DENND3: variants seen among roughly 807,000 people sequenced by gnomAD.
DENND3 encodes DENN domain-containing protein 3.
A neutral mutation model predicts 135.1 loss-of-function variants in DENND3; 88 were observed. That is an observed-to-expected ratio of 0.65 (90% CI 0.55 to 0.78). The LOEUF (loss-of-function observed/expected upper bound fraction) is 0.78. Ranked by LOEUF, DENND3 falls within the 30% of genes least tolerant of loss-of-function variation. The probability of loss-of-function intolerance (pLI) is 0.00; values close to 1 mark genes in which losing one functional copy is unlikely to be tolerated. For synonymous variants in DENND3, 693 were observed against 712.3 expected (o/e 0.97, Z 0.43); for missense variants, 1,392 against 1,688.4 (o/e 0.82, Z 3.08).
intron 17 of DENND3, among the ~76,000 whole-genome samples, chr8:141,184,023 T>C (rs1823554333): frequency 6.6e-6 from 1 of 152,218 alleles, no homozygotes; most frequent in Non-Finnish European, 1.5e-5. Context: ...CCTCATCATC[T>C]CTGTCCCTCT....
chr8:141,175,557 C>G lies in DENND3; in HGVS notation c.2535+98C>G. On this transcript the variant is annotated intron_variant, in intron 14 of 22. Coordinates refer to ENST00000519811, the MANE Select transcript of DENND3 (RefSeq NM_001352890.3). This position sits in a 1 kb window ranked among gnomAD's most constrained non-coding sequence, Gnocchi z 5.4. ...AGCAGTCTGCCAGCCATGCCAAGTA[C>G]CAGCTGCAGCCCTTCTGCAGACCGA... is the stretch of plus-strand genomic sequence containing the variant. 6.3e-7 allele frequency: 1 copy of G among 1,584,102 alleles called. No homozygotes were observed. The highest frequency in any genetic ancestry group is 8.6e-7 in the Non-Finnish European group (1 of 1,159,992).
At position 141,141,513 on chromosome 8, in the gene DENND3, A is replaced by G; in HGVS notation, c.623+189A>G. On this transcript the variant is annotated intron_variant, in intron 4 of 22. Transcript: ENST00000519811. This position sits in a 1 kb window ranked among gnomAD's most constrained non-coding sequence, Gnocchi z 5.3. Reference sequence around the variant, plus strand: ...TCTGTGCCTCTTAGGCTGTTGCTTAAGGCTGGGGGCAGTGGGCAGGGGGTG... The same window carrying G: ...TCTGTGCCTCTTAGGCTGTTGCTTAGGGCTGGGGGCAGTGGGCAGGGGGTG... 1.1e-5 allele frequency: 6 copies of G among 540,164 alleles called. No individual in the cohort carries two copies. Among genetic ancestry groups the G allele is most frequent in the South Asian group, 4.5e-5 (2 of 44,012 alleles). The allele number at this position is 540,164 out of a possible 1,614,324, so 33.5% of individuals were successfully genotyped here.
intron 5 of DENND3, among the ~76,000 whole-genome samples, chr8:141,148,152 C>T (rs1173818791): frequency 6.6e-6 from 1 of 152,182 alleles, no homozygotes; most frequent in Non-Finnish European, 1.5e-5. Flanking sequence ...TTTTCGAGAG[C>T]AGTAGTGAGA....
intron 9 of DENND3, among the ~76,000 whole-genome samples, chr8:141,162,706 T>TG (rs1345868729): frequency 6.6e-6 from 1 of 152,006 alleles, no homozygotes; most frequent in African/African-American, 2.4e-5. Context: ...GAGGCCGAGG[T>TG]GGGTGGATCA....
chr8:141,145,423 C>T (rs948784295), intron 5 of DENND3, among the ~76,000 whole-genome samples: 2 of 152,114 alleles, frequency 1.3e-5, no homozygotes, highest in African/African-American at 4.8e-5. Flanking sequence ...TGCATAAAAC[C>T]AAACTGTAAC....
intron 7 of DENND3, among the ~76,000 whole-genome samples, chr8:141,155,518 C>T (rs1819331004): frequency 6.6e-6 from 1 of 152,100 alleles, no homozygotes; most frequent in Non-Finnish European, 1.5e-5. Flanking sequence ...ATCCTCCTGC[C>T]TCAGCCTCCC....
At chr8:141,136,921 C>T in intron 2 of DENND3, 130 bp downstream of exon 2, 3 of 783,540 alleles carry the variant, frequency 3.8e-6, no homozygotes, top group East Asian at 3.3e-5. Context: ...ACTGCCTCCT[C>T]TTGTGGGATT....
intron 18 of DENND3, among the ~76,000 whole-genome samples, chr8:141,187,971 G>A (rs1006755809): frequency 2.0e-5 from 3 of 151,524 alleles, no homozygotes; most frequent in African/African-American, 7.3e-5. Context: ...AGGATTGCTT[G>A]AGTCTAGGAG....
intron 18 of DENND3, among the ~76,000 whole-genome samples, chr8:141,188,053 T>C (rs1285468924): frequency 6.8e-6 from 1 of 146,926 alleles, no homozygotes; most frequent in Non-Finnish European, 1.5e-5. Flanking sequence ...CCAGGCGTGG[T>C]GGCATCAGCC....
At chr8:141,177,053 G>A (rs1822472095) in intron 15 of DENND3, 3 of 385,152 alleles carry the variant, frequency 7.8e-6, no homozygotes, top group Admixed American at 4.2e-5. Flanking sequence ...CCCAGAGAGT[G>A]GGGCCTCCCG....
In DENND3 at chr8:141,128,850, C is replaced by A; in HGVS notation, c.102+41C>A. The A allele has an allele frequency of 7.5e-7, 1 of 1,328,508 alleles. No homozygotes were observed. Among genetic ancestry groups the A allele is most frequent in the South Asian group, 1.7e-5 (1 of 59,838 alleles). The allele number at this position is 1,328,508 out of a possible 1,614,324, so 82.3% of individuals were successfully genotyped here. ...ACTGAGGCGGACGTGGGCCACGAGT[C>A]GGCAGCCGGGACAGCAGTCGGAGAG... is the stretch of plus-strand genomic sequence containing the variant. On this transcript the variant is annotated intron_variant, in intron 1 of 22. Coordinates refer to ENST00000519811, the MANE Select transcript of DENND3 (RefSeq NM_001352890.3). The surrounding 1 kb of genome is among the most constrained non-coding windows in gnomAD (Gnocchi z 4.5).
rs1305464068 is a variant in DENND3 at position 141,175,179 on chromosome 8, T to C, written c.2276-21T>C. On this transcript the variant is annotated intron_variant, in intron 13 of 22. Coordinates refer to ENST00000519811, the MANE Select transcript of DENND3 (RefSeq NM_001352890.3). This position sits in a 1 kb window ranked among gnomAD's most constrained non-coding sequence, Gnocchi z 5.4. ...GGTATGTGGCTGTAAGATACCTCTC[T>C]TTTCTTCTTATCAAACTAAGGACAG... is the stretch of plus-strand genomic sequence containing the variant. 2 of 1,604,956 alleles carry C rather than the reference T, an allele frequency of 1.2e-6. No individual in the cohort carries two copies. The highest frequency in any genetic ancestry group is 1.7e-6 in the Non-Finnish European group (2 of 1,174,862).
rs1422422951 is a variant in DENND3, at chr8:141,146,217, T to A, written c.735+1958T>A. 6.6e-6 allele frequency among the ~76,000 whole-genome samples: 1 copy of A among 152,210 alleles called. No individual in the cohort carries two copies. Among genetic ancestry groups the A allele is most frequent in the East Asian group, 1.9e-4 (1 of 5,204 alleles). On this transcript the variant is annotated intron_variant, in intron 5 of 22. Coordinates refer to ENST00000519811, the MANE Select transcript of DENND3 (RefSeq NM_001352890.3). The surrounding 1 kb of genome is among the most constrained non-coding windows in gnomAD (Gnocchi z 4.3). ...TTAATGAGAAGTAACTGGTTTTATA[T>A]TTTTTGTTACTCTTAGATGTAGTGC... is the stretch of plus-strand genomic sequence containing the variant.
At chr8:141,180,546 A>G (rs968462) in intron 16 of DENND3, among the ~76,000 whole-genome samples, 2 of 152,102 alleles carry the variant, frequency 1.3e-5, no homozygotes, top group Non-Finnish European at 2.9e-5. Context: ...TCACTCGCAC[A>G]CCAGGTGACA....
At position 141,185,215 on chromosome 8, in the gene DENND3, C is replaced by G. The variant is rs543716705; in HGVS notation, c.3021C>G (p.Thr1007=). ...LWCALSEGKV[T]VFNASSWTIH... ...GTGCTCTGAGCGAAGGCAAGGTGAC[C>G]GTGTTCAATGCTTCTTCATGGACCA... The change falls in exon 18 of 23, where the codon ACC becomes ACG. Residue 1007 remains threonine (T), a synonymous_variant. Transcript: ENST00000519811. 1 of 1,614,188 alleles carries G rather than the reference C, an allele frequency of 6.2e-7. No homozygotes were observed. Among genetic ancestry groups the G allele is most frequent in the South Asian group, 1.1e-5 (1 of 91,082 alleles).
intron 1 of DENND3, among the ~76,000 whole-genome samples, chr8:141,131,061 A>G (rs1215989765): frequency 6.6e-6 from 1 of 152,190 alleles, no homozygotes; most frequent in African/African-American, 2.4e-5. Context: ...TTGATGACAC[A>G]GGAAAACAGA....
chr8:141,170,687 C>T (rs766131939), intron 13 of DENND3, among the ~76,000 whole-genome samples: 7 of 152,200 alleles, frequency 4.6e-5, no homozygotes, highest in African/African-American at 7.2e-5. Flanking sequence ...CGAGCTCCTG[C>T]GGATGATGAG....
Position 141,168,562 on chromosome 8 carries a change from T to G in DENND3, c.2275+37T>G, listed in dbSNP as rs748165660. On this transcript the variant is annotated intron_variant, in intron 13 of 22. Coordinates refer to ENST00000519811, the MANE Select transcript of DENND3 (RefSeq NM_001352890.3). The surrounding 1 kb of genome is among the most constrained non-coding windows in gnomAD (Gnocchi z 6.2). The stretch of plus-strand genomic sequence containing the variant: ...CCTGGCACCATCACAGATTTTATTA[T>G]TTAGAGACAGGGTCTGGCTCTGTCG... 3.2e-6 allele frequency: 5 copies of G among 1,568,556 alleles called. No individual in the cohort carries two copies. The highest frequency in any genetic ancestry group is 4.3e-6 in the Non-Finnish European group (5 of 1,154,676).
In DENND3 at chr8:141,157,512, C is replaced by A. The variant is rs938342879; in HGVS notation, c.1196+1542C>A. The A allele has an allele frequency of 1.0e-5, 10 of 985,694 alleles. No individual in the cohort carries two copies. In the African/African-American group the frequency reaches 1.6e-4, roughly 16 times the overall value. The allele number at this position is 985,694 out of a possible 1,614,324, so 61.1% of individuals were successfully genotyped here. A position where few individuals can be genotyped will look rare whatever the true frequency, so the allele number is the denominator to read the frequency against. On this transcript the variant is annotated intron_variant, in intron 8 of 22. Transcript: ENST00000519811. ...AGGTGACGCTGGAGGGAGGGGAGCG[C>A]TTAGGCTTTTTGCAAACAGCCGGGC... is the stretch of plus-strand genomic sequence containing the variant.
Sources: allele counts gnomAD v4.1 joint callset (sites outside exome capture counted in the v4.1 genomes callset), GRCh38; gene constraint gnomAD v4.1.1; non-coding constraint Gnocchi (gnomAD v3.1); transcripts MANE v1.5; gene names NCBI Gene and HGNC (gene_info 2026-07-23, HGNC 2026-07-21).